SORBS2: variants seen among roughly 807,000 people sequenced by gnomAD.
SORBS2 encodes sorbin and SH3 domain-containing protein 2.
In SORBS2, 46 loss-of-function variants were observed where a neutral mutation model predicts 97.7. The ratio of observed to expected loss-of-function variants is 0.47; its 90% CI spans 0.37 to 0.60. SORBS2 has a LOEUF of 0.60. Ranked by LOEUF, SORBS2 falls within the 20% of genes least tolerant of loss-of-function variation. SORBS2 has a pLI of 0.00. For synonymous variants in SORBS2, 476 were observed against 473.4 expected, an observed-to-expected ratio of 1.01 and a Z score of -0.07; for missense variants, 1,316 against 1,282.3, an observed-to-expected ratio of 1.03 and a Z score of -0.40.
chr4:185,916,927 A>G (rs867428247), intron 1 of SORBS2, among the ~76,000 whole-genome samples: 9 of 152,212 alleles, frequency 5.9e-5, no homozygotes, highest in African/African-American at 2.2e-4. Context: ...TAGCTACAGG[A>G]TGGGGCTGGG....
chr4:185,622,957 G>A (rs2096741774), exon 7 of SORBS2: 1 of 1,613,786 alleles, frequency 6.2e-7, no homozygotes, highest in Non-Finnish European at 8.5e-7. Flanking sequence ...AGCTGCTGTT[G>A]GCTGTGTCCA....
chr4:185,643,734 C>T (rs1408234387), intron 4 of SORBS2, among the ~76,000 whole-genome samples: 2 of 152,076 alleles, frequency 1.3e-5, no homozygotes, highest in African/African-American at 4.8e-5. Context: ...TTCAAAAGAG[C>T]AACACAGAAT....
At chr4:185,660,060 C>T (rs2097490475), upstream of SORBS2, among the ~76,000 whole-genome samples, 1 of 152,168 alleles carries the variant, frequency 6.6e-6, no homozygotes, top group African/African-American at 2.4e-5. Flanking sequence ...ACATATTCCT[C>T]CGAAACCTTA....
chr4:185,884,567 G>T (rs1387216283), intron 1 of SORBS2, among the ~76,000 whole-genome samples: 2 of 152,234 alleles, frequency 1.3e-5, no homozygotes, highest in Admixed American at 6.5e-5. Context: ...GGGCCCAGCA[G>T]AGCTGAGTAG....
chr4:185,761,988 T>C (rs1440949369), intron 2 of SORBS2, among the ~76,000 whole-genome samples: 1 of 152,212 alleles, frequency 6.6e-6, no homozygotes, highest in Non-Finnish European at 1.5e-5. Context: ...GCAAAGCTGA[T>C]TTATTTTGGC....
intron 1 of SORBS2, among the ~76,000 whole-genome samples, chr4:185,833,969 C>A (rs1273202325): frequency 6.6e-6 from 1 of 152,096 alleles, no homozygotes; most frequent in Non-Finnish European, 1.5e-5. Flanking sequence ...ACAAAGAGTT[C>A]TAGAATTAAC....
intron 1 of SORBS2, among the ~76,000 whole-genome samples, chr4:185,880,986 G>A (rs1378462661): frequency 6.6e-6 from 1 of 152,022 alleles, no homozygotes; most frequent in Admixed American, 6.6e-5. Flanking sequence ...GGAGAAAAAA[G>A]TGAAGAAAAA....
intron 2 of SORBS2, among the ~76,000 whole-genome samples, chr4:185,710,918 G>A (rs1376481162): frequency 1.3e-5 from 2 of 152,178 alleles, no homozygotes; most frequent in Non-Finnish European, 1.5e-5. Flanking sequence ...CAAATAAATC[G>A]TGTGCAAAAC....
chr4:185,590,513 A>G (rs1429844277), intron 13 of SORBS2, among the ~76,000 whole-genome samples: 2 of 152,204 alleles, frequency 1.3e-5, no homozygotes, highest in African/African-American at 2.4e-5. Context: ...CAAGCAGACT[A>G]TGGACATAAG....
At chr4:185,794,239 C>CTT (rs1175347799) in intron 1 of SORBS2, among the ~76,000 whole-genome samples, 2 of 151,986 alleles carry the variant, frequency 1.3e-5, no homozygotes, top group African/African-American at 4.8e-5. Context: ...GGAGAGAGGG[C>CTT]AGCAGAAAGA....
chr4:185,954,203 T>C (rs2099278539), intron 1 of SORBS2, among the ~76,000 whole-genome samples: 1 of 152,234 alleles, frequency 6.6e-6, no homozygotes, highest in Admixed American at 6.5e-5. Context: ...TTGCCATTCA[T>C]CAAGGTTGCT....
intron 9 of SORBS2, among the ~76,000 whole-genome samples, chr4:185,616,583 A>G (rs2096630723): frequency 6.6e-6 from 1 of 151,616 alleles, no homozygotes; most frequent in Non-Finnish European, 1.5e-5. Context: ...GAGGCAACCA[A>G]TTTTTCAAAG....
intron 1 of SORBS2, among the ~76,000 whole-genome samples, chr4:185,814,911 C>T (rs746177003): frequency 2.0e-5 from 3 of 152,248 alleles, no homozygotes; most frequent in Non-Finnish European, 2.9e-5. Context: ...GACCTCAGGC[C>T]CTGCCCTAGC....
chr4:185,948,510 ATTTTT>A (rs34637572), intron 1 of SORBS2, among the ~76,000 whole-genome samples: 15 of 87,736 alleles, frequency 1.7e-4, no homozygotes, highest in Non-Finnish European at 2.7e-4. Context: ...ATGAATTTCA[ATTTTT>A]TTTTTTTTTT....
In SORBS2 at chr4:185,790,892, G is replaced by A. The variant is rs542374771; in HGVS notation, c.-337-15526C>T. Among the ~76,000 whole-genome samples, 387 of 152,142 alleles carry A rather than the reference G, an allele frequency of 2.5e-3. 1 individual carries two copies. Among genetic ancestry groups the A allele is most frequent in the Non-Finnish European group, 4.9e-3 (334 of 68,028 alleles). On this transcript the variant is annotated intron_variant, in intron 1 of 20. Transcript: ENST00000284776. ...AGAAATTGCATTCCTGTTCCACATTGTGTCAATGGAAAGGAAGGCTGATTT... is the reference window on the plus strand; with the variant it reads ...AGAAATTGCATTCCTGTTCCACATTATGTCAATGGAAAGGAAGGCTGATTT...
At chr4:185,949,476 A>G (rs1467670193) in intron 1 of SORBS2, among the ~76,000 whole-genome samples, 1 of 152,152 alleles carries the variant, frequency 6.6e-6, no homozygotes, top group East Asian at 1.9e-4. Context: ...CAAGTCATCA[A>G]CTACCAAAAT....
chr4:185,623,247 T>C lies in SORBS2; in HGVS notation c.1882A>G (p.Lys628Glu), dbSNP rs544237966. Residue 628 changes from lysine (K) to glutamate (E), a missense_variant, in exon 7 of 15, where the codon AAA (lysine) becomes GAA (glutamate). Coordinates refer to ENST00000418609, the Ensembl canonical transcript of SORBS2. The surrounding 1 kb of genome is among the most constrained non-coding windows in gnomAD (Gnocchi z 6.4). ...TCCAGAGCCTCAAACACAGATGCTT[T>C]ACATTTTGCCTTTTCAGTCTGTTTC... 4.2e-5 allele frequency: 67 copies of C among 1,614,214 alleles called. 1 individual carries two copies. The highest frequency in any genetic ancestry group is 5.6e-5 in the Non-Finnish European group (66 of 1,180,038).
intron 1 of SORBS2, among the ~76,000 whole-genome samples, chr4:185,944,274 C>T (rs984795637): frequency 6.6e-6 from 1 of 152,284 alleles, no homozygotes; most frequent in South Asian, 2.1e-4. Flanking sequence ...ATGAGAAGCA[C>T]CCACTTAAAG....
intron 4 of SORBS2, among the ~76,000 whole-genome samples, chr4:185,668,343 A>G (rs936908818): frequency 3.3e-5 from 5 of 152,060 alleles, no homozygotes; most frequent in African/African-American, 1.2e-4. Context: ...CACCTTTCGA[A>G]TTTCTTTCAC....
Sources: allele counts gnomAD v4.1 joint callset (sites outside exome capture counted in the v4.1 genomes callset), GRCh38; gene constraint gnomAD v4.1.1; non-coding constraint Gnocchi (gnomAD v3.1); transcripts MANE v1.5; gene names NCBI Gene and HGNC (gene_info 2026-07-23, HGNC 2026-07-21).